Variants in MBOAT1 observed in about 807,000 individuals in gnomAD.
MBOAT1 encodes membrane-bound glycerophospholipid O-acyltransferase 1.
Under a neutral mutation model 64.4 loss-of-function variants are expected in MBOAT1, and 67 were observed. That is an observed-to-expected ratio of 1.04 (90% confidence interval 0.85 to 1.27). MBOAT1 has a LOEUF of 1.27. Ranked by LOEUF, MBOAT1 falls within the 50% of genes most tolerant of loss-of-function variation. MBOAT1 has a pLI of 0.00. For missense variants in MBOAT1, 563 were observed against 604.6 expected (o/e 0.93, Z 0.72); for synonymous variants, 229 against 218.9 (o/e 1.05, Z -0.41).
chr6:20,126,265 T>C (rs72842619), intron 7 of MBOAT1, among the ~76,000 whole-genome samples: 3,384 of 152,336 alleles, frequency 0.022, 59 homozygotes, highest in East Asian at 0.061. Flanking sequence ...CTGGACACCT[T>C]GTATGCACTA....
At chr6:20,191,835 T>C (rs1762811387) in intron 1 of MBOAT1, among the ~76,000 whole-genome samples, 1 of 152,174 alleles carries the variant, frequency 6.6e-6, no homozygotes, top group Non-Finnish European at 1.5e-5. Flanking sequence ...ATAGTACTAA[T>C]AAAGTACTAT....
At chr6:20,174,258 C>T (rs570282854) in intron 1 of MBOAT1, among the ~76,000 whole-genome samples, 1 of 152,252 alleles carries the variant, frequency 6.6e-6, no homozygotes, top group Admixed American at 6.5e-5. Flanking sequence ...AATGGGAATA[C>T]GTTCTGAGAA....
intron 11 of MBOAT1, 138 bp from the exon 12 acceptor site, chr6:20,109,887 C>T (rs902260028): frequency 3.8e-5 from 11 of 288,880 alleles, no homozygotes; most frequent in African/African-American, 2.2e-4. Flanking sequence ...TTTTCGACTA[C>T]AAATACCATC....
At chr6:20,170,420 G>T (rs1408149833) in intron 1 of MBOAT1, among the ~76,000 whole-genome samples, 1 of 152,034 alleles carries the variant, frequency 6.6e-6, no homozygotes, top group Non-Finnish European at 1.5e-5. Flanking sequence ...CTTAGCTAAC[G>T]GTGGGGTTGT....
intron 1 of MBOAT1, among the ~76,000 whole-genome samples, chr6:20,208,274 C>T (rs1264981215): frequency 4.0e-5 from 6 of 151,768 alleles, no homozygotes; most frequent in South Asian, 2.1e-4. Flanking sequence ...GGTGAAACCC[C>T]GCCTCTACTA....
Position 20,118,716 on chromosome 6 carries a change from G to T in MBOAT1, c.908-176C>A, listed in dbSNP as rs913118019. 6.6e-5 allele frequency among the ~76,000 whole-genome samples: 10 copies of T among 152,338 alleles called. No homozygotes were observed. In the East Asian group the frequency reaches 9.6e-4, roughly 15 times the overall value. On this transcript the variant is annotated intron_variant, in intron 8 of 12. Coordinates refer to ENST00000324607, the MANE Select transcript of MBOAT1 (RefSeq NM_001080480.3). ...ATTCTGAATCAGAAAAACATATTCG[G>T]CTGTTTGGTAACCTTGATTTTTATG...
chr6:20,155,489 C>T (rs1009057553), intron 1 of MBOAT1, among the ~76,000 whole-genome samples: 13 of 152,160 alleles, frequency 8.5e-5, no homozygotes, highest in Non-Finnish European at 1.6e-4. Flanking sequence ...CTCTGGGCTT[C>T]GATTCCTTTA....
rs1761261178 is a variant in MBOAT1, at chr6:20,144,205, A to G, written c.419+15T>C. The G allele has an allele frequency of 5.8e-6, 9 of 1,563,724 alleles. No homozygotes were observed. Among genetic ancestry groups the G allele is most frequent in the Non-Finnish European group, 7.9e-6 (9 of 1,136,536 alleles). ...GTCAGCAGTAAAACCCCTCTCTCTA[A>G]TGTAAGATACTTACCCAGAAAAATC... On this transcript the variant is annotated intron_variant, in intron 4 of 12. Coordinates refer to ENST00000324607, the MANE Select transcript of MBOAT1 (RefSeq NM_001080480.3).
intron 9 of MBOAT1, 148 bp downstream of exon 9, chr6:20,118,288 CA>C (rs1760387775): frequency 3.2e-6 from 2 of 619,652 alleles, no homozygotes; most frequent in Non-Finnish European, 5.6e-6. Context: ...TTCTGAGATG[CA>C]AAATGTCCAG....
intron 1 of MBOAT1, among the ~76,000 whole-genome samples, chr6:20,161,558 G>A (rs1390909168): frequency 6.6e-6 from 1 of 152,008 alleles, no homozygotes; most frequent in African/African-American, 2.4e-5. Flanking sequence ...TTTATCCAGT[G>A]CCTACCATGT....
At chr6:20,168,475 G>T (rs2113720166) in intron 1 of MBOAT1, among the ~76,000 whole-genome samples, 1 of 131,668 alleles carries the variant, frequency 7.6e-6, no homozygotes, top group South Asian at 2.6e-4. Context: ...GACAGAGACA[G>T]AGACAGAGAC....
chr6:20,100,478 C>T lies in MBOAT1; in HGVS notation c.*1808G>A, dbSNP rs1436761453. On this transcript the variant is annotated 3_prime_UTR_variant, in exon 13 of 13. Coordinates refer to ENST00000324607, the MANE Select transcript of MBOAT1 (RefSeq NM_001080480.3). ...ATTTCCTTGTTAAAGTGGGGTGAGA[C>T]TCATGCACTAGCTCACATCTACTAC... 6.6e-6 allele frequency among the ~76,000 whole-genome samples: 1 copy of T among 152,152 alleles called. No individual in the cohort carries two copies. The highest frequency in any genetic ancestry group is 1.5e-5 in the Non-Finnish European group (1 of 68,030).
At chr6:20,209,121 C>T (rs1296916940) in intron 1 of MBOAT1, among the ~76,000 whole-genome samples, 1 of 152,184 alleles carries the variant, frequency 6.6e-6, no homozygotes, top group Non-Finnish European at 1.5e-5. Flanking sequence ...CATAATCCTA[C>T]CACCTACCAT....
intron 1 of MBOAT1, among the ~76,000 whole-genome samples, chr6:20,182,703 G>A (rs142857306): frequency 1.8e-4 from 27 of 152,186 alleles, no homozygotes; most frequent in African/African-American, 5.8e-4. Context: ...CTGTGACACC[G>A]TGCAGCTGCT....
At chr6:20,136,970 G>A (rs1026672557) in intron 4 of MBOAT1, among the ~76,000 whole-genome samples, 1 of 152,060 alleles carries the variant, frequency 6.6e-6, no homozygotes, top group Non-Finnish European at 1.5e-5. Flanking sequence ...ATTTTCAATG[G>A]AGGCATAGTA....
In MBOAT1 at chr6:20,100,393, C is replaced by T. The variant is rs1187224493; in HGVS notation, c.*1893G>A. Among the ~76,000 whole-genome samples, 1 of 152,112 alleles carries T rather than the reference C, an allele frequency of 6.6e-6. No homozygotes were observed. The highest frequency in any genetic ancestry group is 6.5e-5 in the Admixed American group (1 of 15,276). On this transcript the variant is annotated 3_prime_UTR_variant, in exon 13 of 13. Transcript: ENST00000324607. ...TGACAGATTTTAGATACCTACAACC[C>T]CCTTCCCCTACCCACTATCTAAGAT...
intron 4 of MBOAT1, among the ~76,000 whole-genome samples, chr6:20,134,379 G>GA (rs1008728493): frequency 5.9e-4 from 84 of 142,306 alleles, no homozygotes; most frequent in South Asian, 8.9e-4. Flanking sequence ...CCTTTTTATA[G>GA]AAAAAAAAAA....
intron 1 of MBOAT1, 169 bp downstream of exon 1, chr6:20,211,967 A>AAAAC: frequency 3.3e-6 from 1 of 305,406 alleles, no homozygotes; most frequent in Non-Finnish European, 5.6e-6. Context: ...TCAAGAAGGG[A>AAAAC]AAACACACAC....
At chr6:20,172,063 CA>C (rs1177560914) in intron 1 of MBOAT1, among the ~76,000 whole-genome samples, 4 of 151,460 alleles carry the variant, frequency 2.6e-5, no homozygotes, top group Non-Finnish European at 4.4e-5. Context: ...CAAAAACAAA[CA>C]AGAAGAAGAA....
Sources: allele counts gnomAD v4.1 joint callset (sites outside exome capture counted in the v4.1 genomes callset), GRCh38; gene constraint gnomAD v4.1.1; transcripts MANE v1.5; gene names NCBI Gene and HGNC (gene_info 2026-07-23, HGNC 2026-07-21).